CRISPLD2: variants seen among roughly 807,000 people sequenced by gnomAD.
The protein encoded by CRISPLD2 is cysteine-rich secretory protein LCCL domain-containing 2.
In CRISPLD2, 47 loss-of-function variants were observed where a neutral mutation model predicts 71.1. The ratio of observed to expected loss-of-function variants is 0.66; its 90% CI spans 0.52 to 0.84. CRISPLD2 has a LOEUF of 0.84. Ranked by LOEUF, CRISPLD2 falls within the 40% of genes least tolerant of loss-of-function variation. The pLI is 0.00. For synonymous variants in CRISPLD2, 317 were observed against 250.1 expected (o/e 1.27, Z -2.52); for missense variants, 830 against 651.1 (o/e 1.27, Z -2.99).
intron 8 of CRISPLD2, among the ~76,000 whole-genome samples, chr16:84,869,308 A>G (rs952796357): frequency 1.3e-5 from 2 of 152,238 alleles, no homozygotes; most frequent in Non-Finnish European, 2.9e-5. Context: ...GTAAACAGCC[A>G]ACAGGTGCAG....
intron 8 of CRISPLD2, among the ~76,000 whole-genome samples, chr16:84,869,351 A>C (rs139003264): frequency 1.8e-3 from 281 of 152,368 alleles, no homozygotes; most frequent in African/African-American, 6.3e-3. Flanking sequence ...GTCAAATGGG[A>C]AAACCATGTC....
intron 6 of CRISPLD2, among the ~76,000 whole-genome samples, chr16:84,855,535 C>T (rs1917213952): frequency 6.9e-6 from 1 of 145,978 alleles, no homozygotes; most frequent in South Asian, 2.2e-4. Context: ...GCACTGGCAG[C>T]TGATTAGTTG....
intron 7 of CRISPLD2, among the ~76,000 whole-genome samples, chr16:84,868,236 G>A (rs1012378752): frequency 2.6e-5 from 4 of 152,168 alleles, no homozygotes; most frequent in Non-Finnish European, 5.9e-5. Context: ...ACCTGCGGAG[G>A]CCCTTGTCTG....
intron 12 of CRISPLD2, among the ~76,000 whole-genome samples, chr16:84,879,364 T>TTTC (rs201854402): frequency 7.8e-4 from 65 of 83,500 alleles, no homozygotes; most frequent in East Asian, 1.6e-3. Flanking sequence ...TCCAATTCTT[T>TTTC]TTTTTTTTTT....
intron 8 of CRISPLD2, among the ~76,000 whole-genome samples, chr16:84,870,658 C>T (rs939979913): frequency 3.9e-5 from 6 of 152,268 alleles, no homozygotes; most frequent in African/African-American, 1.2e-4. Context: ...ATATTCTTCA[C>T]GCACTTCATG....
At chr16:84,875,317 C>G (rs1232862585) in intron 11 of CRISPLD2, among the ~76,000 whole-genome samples, 1 of 151,432 alleles carries the variant, frequency 6.6e-6, no homozygotes, top group East Asian at 1.9e-4. Flanking sequence ...TCAAGCTTGT[C>G]CAACCCACAG....
intron 14 of CRISPLD2, among the ~76,000 whole-genome samples, chr16:84,891,704 G>A (rs575743504): frequency 3.3e-5 from 5 of 152,334 alleles, no homozygotes; most frequent in African/African-American, 1.2e-4. Flanking sequence ...GAACATCACA[G>A]CAGTGCCCTG....
chr16:84,820,809 C>A (rs544992347), intron 1 of CRISPLD2, among the ~76,000 whole-genome samples: 4 of 152,136 alleles, frequency 2.6e-5, no homozygotes, highest in Non-Finnish European at 5.9e-5. Context: ...TTTCTTTAGC[C>A]AGAGCGGGCA....
chr16:84,841,032 G>A (rs75650095), intron 2 of CRISPLD2, among the ~76,000 whole-genome samples: 2,396 of 152,340 alleles, frequency 0.016, 25 homozygotes, highest in South Asian at 0.061. Context: ...CTCCGGACTA[G>A]TGTAGCCAGG....
At chr16:84,882,371 A>AAAGAAAT (rs368239840) in intron 13 of CRISPLD2, among the ~76,000 whole-genome samples, 364 of 113,776 alleles carry the variant, frequency 3.2e-3, no homozygotes, top group African/African-American at 9.6e-3. Flanking sequence ...AAAAAAAAAA[A>AAAGAAAT]GCAAGAACTT....
intron 1 of CRISPLD2, among the ~76,000 whole-genome samples, chr16:84,834,890 C>T (rs1916578142): frequency 6.6e-6 from 1 of 152,060 alleles, no homozygotes; most frequent in Non-Finnish European, 1.5e-5. Context: ...ACCTCATGGC[C>T]TCACATTACC....
At chr16:84,893,500 C>T (rs1409153391) in intron 14 of CRISPLD2, among the ~76,000 whole-genome samples, 6 of 152,194 alleles carry the variant, frequency 3.9e-5, no homozygotes, top group African/African-American at 7.2e-5. Context: ...ACTTAGGGAG[C>T]GCTGACGATG....
chr16:84,889,755 TG>T (rs2071645291), intron 14 of CRISPLD2, among the ~76,000 whole-genome samples: 1 of 122,220 alleles, frequency 8.2e-6, no homozygotes. Context: ...TTTTTCTTTG[TG>T]TGTGTGTGTG....
chr16:84,904,949 A>C (rs1427622984), intron 14 of CRISPLD2, among the ~76,000 whole-genome samples: 5 of 152,214 alleles, frequency 3.3e-5, no homozygotes, highest in Non-Finnish European at 7.3e-5. Flanking sequence ...AAATTGATAA[A>C]TTGTATTCTA....
At chr16:84,854,354 A>G (rs1917173663) in intron 5 of CRISPLD2, among the ~76,000 whole-genome samples, 1 of 152,098 alleles carries the variant, frequency 6.6e-6, no homozygotes, top group Non-Finnish European at 1.5e-5. Context: ...TACACATTTG[A>G]GAAATGGCTT....
chr16:84,888,974 C>T (rs1033788736), intron 13 of CRISPLD2, among the ~76,000 whole-genome samples: 3 of 152,202 alleles, frequency 2.0e-5, no homozygotes, highest in Admixed American at 2.0e-4. Flanking sequence ...TGCTGAATTC[C>T]CCCAGTTCCT....
chr16:84,826,866 C>G (rs1291437488), intron 1 of CRISPLD2, among the ~76,000 whole-genome samples: 3 of 152,232 alleles, frequency 2.0e-5, no homozygotes, highest in Non-Finnish European at 4.4e-5. Flanking sequence ...AGCTCTGAGA[C>G]TCCTGAGGGA....
intron 6 of CRISPLD2, among the ~76,000 whole-genome samples, chr16:84,865,513 T>C (rs1284738070): frequency 6.6e-6 from 1 of 152,194 alleles, no homozygotes; most frequent in Non-Finnish European, 1.5e-5. Flanking sequence ...GCTCTAGTTA[T>C]TCTCCTTGAA....
intron 1 of CRISPLD2, among the ~76,000 whole-genome samples, chr16:84,832,033 C>A (rs551730122): frequency 6.6e-5 from 10 of 152,250 alleles, no homozygotes; most frequent in Non-Finnish European, 1.5e-4. Context: ...CCATGTCCAG[C>A]CGGATTTTTA....
Sources: allele counts gnomAD v4.1 joint callset (sites outside exome capture counted in the v4.1 genomes callset), GRCh38; gene constraint gnomAD v4.1.1; transcripts MANE v1.5; gene names NCBI Gene and HGNC (gene_info 2026-07-23, HGNC 2026-07-21).